The following CNTNAP2 variants were observed in gnomAD, a reference collection of about 807,000 sequenced individuals.
CNTNAP2 encodes the protein contactin-associated protein-like 2.
CNTNAP2 carries 98 observed loss-of-function variants against 155.2 expected under a neutral mutation model. That is an observed-to-expected ratio of 0.63 (90% confidence interval 0.54 to 0.75). CNTNAP2 has a LOEUF of 0.75. CNTNAP2 is among the 30% of genes least tolerant of loss of function. CNTNAP2 has a pLI of 0.00. For synonymous variants in CNTNAP2, 651 were observed against 631.2 expected (o/e 1.03, Z -0.47); for missense variants, 1,727 against 1,688.1 (o/e 1.02, Z -0.40).
At chr7:146,387,417 A>G (rs1023399574) in intron 1 of CNTNAP2, among the ~76,000 whole-genome samples, 1 of 152,128 alleles carries the variant, frequency 6.6e-6, no homozygotes, top group Non-Finnish European at 1.5e-5. Context: ...GTCTCAGTTT[A>G]TGTATTCATT....
chr7:147,236,730 T>C (rs1803813443), intron 8 of CNTNAP2, among the ~76,000 whole-genome samples: 1 of 152,168 alleles, frequency 6.6e-6, no homozygotes, highest in African/African-American at 2.4e-5. Context: ...CTTATTTTGA[T>C]TTGATAGCAG....
intron 2 of CNTNAP2, among the ~76,000 whole-genome samples, chr7:146,816,565 T>C (rs569624464): frequency 4.6e-5 from 7 of 152,310 alleles, no homozygotes; most frequent in Middle Eastern, 3.4e-3. Flanking sequence ...ATCTAGACTT[T>C]GGAACTTGGG....
chr7:146,418,613 C>T (rs1724513), intron 1 of CNTNAP2, among the ~76,000 whole-genome samples: 64,454 of 152,004 alleles, frequency 0.42, 16,630 homozygotes, highest in African/African-American at 0.72. Flanking sequence ...TTATTAACTA[C>T]TCAAATACTC....
Position 148,141,848 on chromosome 7 carries a change from G to T in CNTNAP2, c.2555-5643G>T, listed in dbSNP as rs550418387. ...TCAGCCACAGAGTTATTTGGGTAAA[G>T]TGAACAGCAAGTTCTAAGGCCCTGG... On this transcript the variant is annotated intron_variant, in intron 16 of 23. Coordinates refer to ENST00000361727, the MANE Select transcript of CNTNAP2 (RefSeq NM_014141.6). Among the ~76,000 whole-genome samples, 3 of 152,286 alleles carry T rather than the reference G, an allele frequency of 2.0e-5. No individual in the cohort carries two copies. The East Asian group carries it at 5.8e-4, about 29-fold the overall frequency.
At chr7:147,368,158 C>A (rs1796276741) in intron 9 of CNTNAP2, among the ~76,000 whole-genome samples, 1 of 148,764 alleles carries the variant, frequency 6.7e-6, no homozygotes, top group South Asian at 2.1e-4. Context: ...TGAGAAGTAT[C>A]ATGCCAGAAT....
At chr7:147,497,818 G>C (rs16883529) in intron 11 of CNTNAP2, among the ~76,000 whole-genome samples, 43,551 of 152,040 alleles carry the variant, frequency 0.29, 6,381 homozygotes, top group East Asian at 0.43. Flanking sequence ...TGTCCTACAG[G>C]TTCCTAAATT....
intron 22 of CNTNAP2, among the ~76,000 whole-genome samples, chr7:148,406,188 C>T (rs1248516606): frequency 1.3e-5 from 2 of 151,800 alleles, no homozygotes; most frequent in Non-Finnish European, 2.9e-5. Flanking sequence ...GCTGAGATCG[C>T]GCCACTGCAC....
At chr7:147,999,733 A>G (rs993810998) in intron 15 of CNTNAP2, among the ~76,000 whole-genome samples, 1 of 152,094 alleles carries the variant, frequency 6.6e-6, no homozygotes, top group Non-Finnish European at 1.5e-5. Context: ...GAGAAAGCGC[A>G]CACACACACA....
At chr7:146,372,978 G>A (rs77215156) in intron 1 of CNTNAP2, among the ~76,000 whole-genome samples, 4,699 of 152,168 alleles carry the variant, frequency 0.031, 94 homozygotes, top group Non-Finnish European at 0.045. Context: ...TGAAAAAATC[G>A]TGTGAGGAGC....
intron 2 of CNTNAP2, among the ~76,000 whole-genome samples, chr7:146,818,017 C>T (rs1040328759): frequency 6.6e-6 from 1 of 152,078 alleles, no homozygotes; most frequent in Non-Finnish European, 1.5e-5. Flanking sequence ...TTTTAATTGG[C>T]ATGAATATTT....
In CNTNAP2 at chr7:146,448,511, G is replaced by GT. The variant is rs529624989; in HGVS notation, c.98-325750dup. ...CATATTTTATAAGCACTTTGTTTTT[G>GT]TTTTTTTTTTATTATACTTTAAGTT... On this transcript the variant is annotated intron_variant, in intron 1 of 23. Transcript: ENST00000361727. Among the ~76,000 whole-genome samples the GT allele has an allele frequency of 1.9e-3, 278 of 143,712 alleles. 1 individual carries two copies. The highest frequency in any genetic ancestry group is 4.7e-3 in the South Asian group (21 of 4,516). 94.3% of individuals were successfully genotyped at this position (143,712 alleles called of 152,430 possible). A position where few individuals can be genotyped will look rare whatever the true frequency, so the allele number is the denominator to read the frequency against.
chr7:146,713,104 C>G (rs545782608), intron 1 of CNTNAP2, among the ~76,000 whole-genome samples: 1 of 152,008 alleles, frequency 6.6e-6, no homozygotes, highest in South Asian at 2.1e-4. Context: ...TCGCAGGACC[C>G]TAAATATAAC....
intron 1 of CNTNAP2, among the ~76,000 whole-genome samples, chr7:146,250,630 TG>T (rs1325833035): frequency 6.6e-6 from 1 of 152,200 alleles, no homozygotes; most frequent in Non-Finnish European, 1.5e-5. Context: ...CTATGCTCAC[TG>T]CCTTCACCCA....
At chr7:146,915,634 G>A (rs207468754) in intron 3 of CNTNAP2, among the ~76,000 whole-genome samples, 1 of 152,082 alleles carries the variant, frequency 6.6e-6, no homozygotes, top group Non-Finnish European at 1.5e-5. Context: ...TTTCATCACT[G>A]TGTATGTATA....
rs573648565 is a variant in CNTNAP2, at chr7:147,074,096, C to T, written c.550+30042C>T. Among the ~76,000 whole-genome samples the T allele has an allele frequency of 2.6e-5, 4 of 152,276 alleles. No individual in the cohort carries two copies. In the East Asian group the frequency reaches 7.7e-4, roughly 29 times the overall value. On this transcript the variant is annotated intron_variant, in intron 4 of 23. Transcript: ENST00000361727. ...TGCACTCCGTAGAATTTATTTCATT[C>T]TATTCACCCTGGCTGAAGAACCATA... is the stretch of plus-strand genomic sequence containing the variant.
chr7:146,190,863 A>C (rs1798693026), intron 1 of CNTNAP2, among the ~76,000 whole-genome samples: 1 of 152,182 alleles, frequency 6.6e-6, no homozygotes. Flanking sequence ...CATTAAGAAC[A>C]TGAAAAATGT....
At chr7:146,468,006 G>A (rs1796739760) in intron 1 of CNTNAP2, among the ~76,000 whole-genome samples, 1 of 152,148 alleles carries the variant, frequency 6.6e-6, no homozygotes, top group Non-Finnish European at 1.5e-5. Context: ...AGGTGCATTT[G>A]TGTTCTCTAA....
At chr7:147,993,665 C>T (rs1299159682) in intron 15 of CNTNAP2, among the ~76,000 whole-genome samples, 1 of 152,196 alleles carries the variant, frequency 6.6e-6, no homozygotes, top group Non-Finnish European at 1.5e-5. Flanking sequence ...CATCTGAAAC[C>T]AGTCATTTCG....
chr7:146,529,635 A>G (rs1049664517), intron 1 of CNTNAP2, among the ~76,000 whole-genome samples: 2 of 152,076 alleles, frequency 1.3e-5, no homozygotes, highest in African/African-American at 2.4e-5. Context: ...CTAAGCTCAC[A>G]TGGGCAGGAA....
Sources: gnomAD v4.1 joint callset for allele counts (sites outside exome capture counted in the v4.1 genomes callset) on GRCh38, gnomAD v4.1.1 for gene constraint, MANE v1.5 for transcripts, NCBI Gene and HGNC (gene_info 2026-07-23, HGNC 2026-07-21) for gene names.